TUT7: variants seen among roughly 807,000 people sequenced by gnomAD.
TUT7 encodes terminal uridylyltransferase 7.
In TUT7, 33 loss-of-function variants were observed where a neutral mutation model predicts 165.9. That is an observed-to-expected ratio of 0.20 (90% CI 0.15 to 0.27). The LOEUF (loss-of-function observed/expected upper bound fraction) is 0.27, where lower values mean the gene tolerates loss of function less well. Ranked by LOEUF, TUT7 falls within the 10% of genes least tolerant of loss-of-function variation. The probability of loss-of-function intolerance (pLI) is 1.00; values close to 1 mark genes in which losing one functional copy is unlikely to be tolerated. For missense variants in TUT7, 1,338 were observed against 1,762.3 expected (o/e 0.76, Z 4.31); for synonymous variants, 552 against 608.1 (o/e 0.91, Z 1.36).
intron 4 of TUT7, 136 bp downstream of exon 4, chr9:86,345,533 T>G: frequency 1.5e-6 from 1 of 679,742 alleles, no homozygotes. Context: ...GTATTATGTA[T>G]TTTGGCTCAA....
chr9:86,349,192 T>C (rs1832051768), intron 2 of TUT7, among the ~76,000 whole-genome samples: 1 of 151,870 alleles, frequency 6.6e-6, no homozygotes, highest in Non-Finnish European at 1.5e-5. Context: ...GGCAGGAGAA[T>C]TGCTTGAACT....
intron 10 of TUT7, among the ~76,000 whole-genome samples, chr9:86,330,437 A>G (rs1449175405): frequency 6.6e-6 from 1 of 152,170 alleles, no homozygotes; most frequent in Non-Finnish European, 1.5e-5. Flanking sequence ...AGATTTGTTG[A>G]CAGACTGAAC....
At chr9:86,332,534 G>GAAGGTTAAGGGTAGAA in intron 10 of TUT7, among the ~76,000 whole-genome samples, 1 of 152,148 alleles carries the variant, frequency 6.6e-6, no homozygotes, top group African/African-American at 2.4e-5. Context: ...AATGGACACT[G>GAAGGTTAAGGGTAGAA]GGGCCTACTT....
chr9:86,310,930 T>C, intron 17 of TUT7, 121 bp from the exon 18 acceptor site: 1 of 607,678 alleles, frequency 1.6e-6, no homozygotes, highest in Admixed American at 2.9e-5. Flanking sequence ...ATTGCATTCA[T>C]TAGGACTTGT....
chr9:86,326,772 T>A (rs140470241), intron 11 of TUT7, among the ~76,000 whole-genome samples: 1 of 152,278 alleles, frequency 6.6e-6, no homozygotes, highest in African/African-American at 2.4e-5. Flanking sequence ...AATGTCTCAA[T>A]GTCTCCTGAT....
Position 86,322,573 on chromosome 9 carries a change from C to A in TUT7, c.2878-98G>T. Reference sequence around the variant, plus strand: ...TTAAAAGTACACAGTCACCTATTCACTTTCCAAAGGAAATGAAAATATAAC... The same window carrying A: ...TTAAAAGTACACAGTCACCTATTCAATTTCCAAAGGAAATGAAAATATAAC... On this transcript the variant is annotated intron_variant, in intron 13 of 26. Transcript: ENST00000375963. 5 of 1,422,166 alleles carry A rather than the reference C, an allele frequency of 3.5e-6. No homozygotes were observed. In the South Asian group the frequency reaches 7.1e-5, roughly 20 times the overall value. The allele number at this position is 1,422,166 out of a possible 1,614,324, so 88.1% of individuals were successfully genotyped here. A position where few individuals can be genotyped will look rare whatever the true frequency, so the allele number is the denominator to read the frequency against.
intron 10 of TUT7, chr9:86,337,170 A>G (rs564800440): frequency 5.3e-6 from 2 of 378,172 alleles, no homozygotes; most frequent in South Asian, 3.1e-5. Context: ...AGGACCATAC[A>G]TATTTCAAAA....
intron 17 of TUT7, among the ~76,000 whole-genome samples, chr9:86,312,474 A>C (rs7860147): frequency 6.7e-6 from 1 of 149,578 alleles, no homozygotes; most frequent in African/African-American, 2.5e-5. Flanking sequence ...CAGCCACCCC[A>C]TCCGGGAGGG....
chr9:86,301,946 T>C (rs1587862506), intron 25 of TUT7: 1 of 715,132 alleles, frequency 1.4e-6, no homozygotes, highest in East Asian at 1.3e-4. Flanking sequence ...TTCTGGCACA[T>C]TAGCATTCTT....
At chr9:86,345,246 T>C in intron 4 of TUT7, 92 bp from the exon 5 acceptor site, 2 of 1,233,362 alleles carry the variant, frequency 1.6e-6, no homozygotes, top group Non-Finnish European at 2.2e-6. Flanking sequence ...GAGTTTTCTT[T>C]TTCTTAGCCC....
chr9:86,313,760 C>A lies in TUT7; in HGVS notation c.3275-2951G>T, dbSNP rs145669550. ...GGCAGATTAATGGAGTTGGTTCCTGCAGAAGGGAAGCGGTAAAGTGAAAGA... is the reference window on the plus strand; with the variant it reads ...GGCAGATTAATGGAGTTGGTTCCTGAAGAAGGGAAGCGGTAAAGTGAAAGA... On this transcript the variant is annotated intron_variant, in intron 17 of 26. Transcript: ENST00000375963. Among the ~76,000 whole-genome samples the A allele has an allele frequency of 6.5e-4, 99 of 152,282 alleles. 1 individual carries two copies. Among genetic ancestry groups the A allele is most frequent in the Admixed American group, 5.2e-3 (79 of 15,298 alleles).
At chr9:86,332,981 C>T (rs570225385) in intron 10 of TUT7, among the ~76,000 whole-genome samples, 2 of 152,270 alleles carry the variant, frequency 1.3e-5, no homozygotes, top group African/African-American at 4.8e-5. Flanking sequence ...TCTGGGTCAT[C>T]TTGGAGTTTG....
intron 3 of TUT7, 55 bp from the exon 4 acceptor site, chr9:86,345,840 G>T: frequency 7.9e-7 from 1 of 1,259,558 alleles, no homozygotes; most frequent in South Asian, 1.3e-5. Flanking sequence ...CAAACATTCA[G>T]ATAAACAAAA....
chr9:86,318,896 C>T, intron 16 of TUT7, 62 bp downstream of exon 16: 2 of 1,313,616 alleles, frequency 1.5e-6, no homozygotes, highest in Non-Finnish European at 1.1e-6. Context: ...AGCTGTAATG[C>T]CAGTCTAGAT....
chr9:86,312,558 C>T (rs1206045039), intron 17 of TUT7, among the ~76,000 whole-genome samples: 1 of 152,022 alleles, frequency 6.6e-6, no homozygotes, highest in African/African-American at 2.4e-5. Flanking sequence ...CCCGGCCGCC[C>T]CTACTGGGAA....
chr9:86,333,068 T>A (rs996893847), intron 10 of TUT7, among the ~76,000 whole-genome samples: 1 of 152,178 alleles, frequency 6.6e-6, no homozygotes. Context: ...GATTGCATTT[T>A]AGACATTGTA....
rs1055491357 is a variant in TUT7 at position 86,354,332 on chromosome 9, G to C, written c.-93C>G. On this transcript the variant is annotated 5_prime_UTR_variant, in exon 1 of 27. Transcript: ENST00000375963. ...GGAAACCAACTGGAGAATCAGCCCG[G>C]AGGCGAGTCTGGCAGGGACGTTGGG... The C allele has an allele frequency of 8.5e-5, 13 of 152,906 alleles. No individual in the cohort carries two copies. The allele number at this position is 152,906 out of a possible 1,614,324, so 9.5% of individuals were successfully genotyped here. A position where few individuals can be genotyped will look rare whatever the true frequency, so the allele number is the denominator to read the frequency against.
intron 1 of TUT7, among the ~76,000 whole-genome samples, chr9:86,353,512 T>C (rs1832479013): frequency 6.6e-6 from 1 of 152,210 alleles, no homozygotes; most frequent in African/African-American, 2.4e-5. Flanking sequence ...AACTGTAGCA[T>C]AGTAGAATAT....
intron 26 of TUT7, among the ~76,000 whole-genome samples, chr9:86,291,291 A>C (rs540153984): frequency 6.6e-6 from 1 of 152,252 alleles, no homozygotes; most frequent in East Asian, 1.9e-4. Flanking sequence ...CCAAATGGCC[A>C]ATAAACATGT....
Sources: allele counts gnomAD v4.1 joint callset (sites outside exome capture counted in the v4.1 genomes callset), GRCh38; gene constraint gnomAD v4.1.1; transcripts MANE v1.5; gene names NCBI Gene and HGNC (gene_info 2026-07-23, HGNC 2026-07-21).